Variants in TNS3 observed in about 807,000 individuals in gnomAD.
TNS3 encodes tensin 3.
In TNS3, 45 loss-of-function variants were observed where a neutral mutation model predicts 140.9. The ratio of observed to expected loss-of-function variants is 0.32; its 90% CI spans 0.25 to 0.41. The LOEUF is 0.41. Ranked by LOEUF, TNS3 falls within the 10% of genes least tolerant of loss-of-function variation. The pLI is 1.00. For synonymous variants in TNS3, 815 were observed against 788.4 expected (o/e 1.03, Z -0.56); for missense variants, 1,716 against 1,906.7 (o/e 0.90, Z 1.86).
intron 17 of TNS3, among the ~76,000 whole-genome samples, chr7:47,352,188 GCAGA>G (rs1485228299): frequency 6.6e-6 from 1 of 151,950 alleles, no homozygotes; most frequent in Non-Finnish European, 1.5e-5. Flanking sequence ...ACAGTCACAA[GCAGA>G]CACACACACT....
chr7:47,355,795 C>T (rs986237210), intron 17 of TNS3, among the ~76,000 whole-genome samples: 2 of 152,174 alleles, frequency 1.3e-5, no homozygotes, highest in South Asian at 4.1e-4. Flanking sequence ...GTGATTCAGA[C>T]TGCTCTTGGA....
At chr7:47,362,500 T>C (rs1168243407) in intron 17 of TNS3, among the ~76,000 whole-genome samples, 1 of 152,182 alleles carries the variant, frequency 6.6e-6, no homozygotes, top group Non-Finnish European at 1.5e-5. Context: ...GAACTCTTCC[T>C]GCATGCCAGG....
In TNS3 at chr7:47,400,020, T is replaced by C. The variant is rs547956688; in HGVS notation, c.919+373A>G. 2.7e-5 allele frequency among the ~76,000 whole-genome samples: 4 copies of C among 148,118 alleles called. No individual in the cohort carries two copies. The East Asian group carries it at 7.8e-4, about 29-fold the overall frequency. On this transcript the variant is annotated intron_variant, in intron 15 of 30. Transcript: ENST00000311160. ...CCCATCAAAAAGTGGGCAAATGATATGAACAGACATTTTTCAAAAGATATA... is the reference window on the plus strand; with the variant it reads ...CCCATCAAAAAGTGGGCAAATGATACGAACAGACATTTTTCAAAAGATATA...
At chr7:47,363,329 T>A (rs1013927330) in intron 17 of TNS3, among the ~76,000 whole-genome samples, 2 of 152,128 alleles carry the variant, frequency 1.3e-5, no homozygotes, top group Non-Finnish European at 2.9e-5. Context: ...ATCACTGTGA[T>A]CATCACCACC....
chr7:47,478,027 C>A (rs1472534493), intron 4 of TNS3, among the ~76,000 whole-genome samples: 1 of 152,208 alleles, frequency 6.6e-6, no homozygotes, highest in Non-Finnish European at 1.5e-5. Flanking sequence ...TGTGAGGGAA[C>A]TGGGTGTCTT....
chr7:47,499,893 T>C (rs1042957787), intron 3 of TNS3, among the ~76,000 whole-genome samples: 3 of 152,168 alleles, frequency 2.0e-5, no homozygotes, highest in Non-Finnish European at 4.4e-5. Context: ...AAATGTGCTG[T>C]TCTGGTGCGG....
At chr7:47,372,272 T>A (rs1791117250) in intron 16 of TNS3, among the ~76,000 whole-genome samples, 1 of 152,198 alleles carries the variant, frequency 6.6e-6, no homozygotes, top group Non-Finnish European at 1.5e-5. Flanking sequence ...AGCCTACCCA[T>A]TACGGTCACA....
At chr7:47,291,368 C>T (rs913967562) in intron 27 of TNS3, among the ~76,000 whole-genome samples, 28 of 152,174 alleles carry the variant, frequency 1.8e-4, no homozygotes, top group African/African-American at 4.6e-4. Flanking sequence ...AATGCAGGTT[C>T]ATCAACCATA....
intron 27 of TNS3, among the ~76,000 whole-genome samples, chr7:47,290,864 A>G (rs1028576807): frequency 5.3e-5 from 8 of 152,128 alleles, no homozygotes; most frequent in African/African-American, 1.7e-4. Context: ...ACTTATATCC[A>G]CTCAAAAACC....
At chr7:47,435,199 C>T (rs1250403924) in intron 8 of TNS3, 83 bp downstream of exon 8, 4 of 1,566,072 alleles carry the variant, frequency 2.6e-6, no homozygotes, top group Admixed American at 3.5e-5. Context: ...CGGAAATGTG[C>T]TCAGATGCAG....
chr7:47,421,385 A>C (rs11509902), intron 10 of TNS3, among the ~76,000 whole-genome samples: 5,984 of 151,910 alleles, frequency 0.039, 172 homozygotes, highest in Non-Finnish European at 0.06. Flanking sequence ...CTCCCACCTC[A>C]GCTTCCAGAG....
intron 13 of TNS3, chr7:47,405,598 C>T (rs565712733): frequency 1.9e-4 from 136 of 702,858 alleles, no homozygotes; most frequent in African/African-American, 8.2e-4. Flanking sequence ...TGGCTGCAAA[C>T]GAAAACACAA....
chr7:47,434,839 G>A (rs182325730), intron 8 of TNS3, among the ~76,000 whole-genome samples: 44 of 152,320 alleles, frequency 2.9e-4, no homozygotes, highest in Admixed American at 1.5e-3. Flanking sequence ...AGGACAACAC[G>A]TTTACTGCAA....
At chr7:47,321,895 A>G (rs1308979897) in intron 20 of TNS3, among the ~76,000 whole-genome samples, 1 of 152,074 alleles carries the variant, frequency 6.6e-6, no homozygotes, top group Non-Finnish European at 1.5e-5. Flanking sequence ...CCTCTCTCTA[A>G]CCAGCAGTTC....
chr7:47,283,716 G>A lies in TNS3; in HGVS notation c.4078C>T (p.Leu1360=), dbSNP rs777556645. 1.3e-6 allele frequency: 2 copies of A among 1,589,456 alleles called. No homozygotes were observed. Among genetic ancestry groups the A allele is most frequent in the South Asian group, 2.3e-5 (2 of 86,850 alleles). The change falls in exon 28 of 31, where the codon CTG becomes TTG. Residue 1360 remains leucine, a synonymous_variant. Transcript: ENST00000311160. ...ACTCACTTCCTCTGATTGTCTGTCA[G>A]GGTGATGCCCTGGGCTGACACCTTG... is the stretch of plus-strand genomic sequence containing the variant. ...HFKVSAQGIT[L]TDNQRKLFFR... is the part of the protein sequence containing the mutation.
intron 1 of TNS3, among the ~76,000 whole-genome samples, chr7:47,541,971 A>C (rs1025656845): frequency 8.0e-5 from 12 of 149,364 alleles, no homozygotes; most frequent in African/African-American, 3.1e-4. Context: ...GCAAATGACC[A>C]CAGAGACAGT....
chr7:47,280,432 T>C, intron 28 of TNS3, 78 bp from the exon 29 acceptor site: 1 of 1,277,776 alleles, frequency 7.8e-7, no homozygotes, highest in Admixed American at 1.7e-5. Flanking sequence ...GGGCGGGCTC[T>C]CCCATACATG....
At chr7:47,464,945 C>T (rs1435459652) in intron 4 of TNS3, among the ~76,000 whole-genome samples, 2 of 152,200 alleles carry the variant, frequency 1.3e-5, no homozygotes, top group Admixed American at 6.5e-5. Context: ...AAGTGCTTCA[C>T]TCTCTTGAAT....
chr7:47,318,410 T>C (rs1224987957), intron 20 of TNS3, among the ~76,000 whole-genome samples: 1 of 152,196 alleles, frequency 6.6e-6, no homozygotes, highest in South Asian at 2.1e-4. Flanking sequence ...TTTAGCCAGT[T>C]TGAGTTGGGA....
Sources: gnomAD v4.1 joint callset for allele counts (sites outside exome capture counted in the v4.1 genomes callset) on GRCh38, gnomAD v4.1.1 for gene constraint, MANE v1.5 for transcripts, NCBI Gene and HGNC (gene_info 2026-07-23, HGNC 2026-07-21) for gene names.